ADARB2: variants seen among roughly 807,000 people sequenced by gnomAD.
ADARB2 encodes inactive double-stranded RNA-specific editase B2.
In ADARB2, 25 loss-of-function variants were observed where a neutral mutation model predicts 62.2. That is an observed-to-expected ratio of 0.40 (90% CI 0.29 to 0.56). The LOEUF (loss-of-function observed/expected upper bound fraction) is 0.56, where lower values mean the gene tolerates loss of function less well. Ranked by LOEUF, ADARB2 falls within the 20% of genes least tolerant of loss-of-function variation. The pLI is 0.43. For synonymous variants in ADARB2, 572 were observed against 500.8 expected (o/e 1.14, Z -1.90); for missense variants, 1,071 against 1,077.4 (o/e 0.99, Z 0.08).
At chr10:1,374,711 C>T (rs570654808) in intron 2 of ADARB2, among the ~76,000 whole-genome samples, 7 of 152,306 alleles carry the variant, frequency 4.6e-5, no homozygotes, top group South Asian at 2.1e-4. Flanking sequence ...TTTGCACGCC[C>T]GGCTTCCCCT....
intron 1 of ADARB2, among the ~76,000 whole-genome samples, chr10:1,424,510 G>A (rs562741632): frequency 3.2e-3 from 491 of 152,176 alleles, no homozygotes; most frequent in Middle Eastern, 0.01. Context: ...GTTTACCACC[G>A]GACAGTTCTA....
chr10:1,423,335 C>T (rs534103650), intron 1 of ADARB2, among the ~76,000 whole-genome samples: 99 of 152,364 alleles, frequency 6.5e-4, no homozygotes, highest in Non-Finnish European at 6.0e-4. Context: ...AGCTCAACTC[C>T]CCTGTTCTCA....
intron 1 of ADARB2, among the ~76,000 whole-genome samples, chr10:1,408,443 C>T (rs1832725840): frequency 6.6e-6 from 1 of 152,172 alleles, no homozygotes; most frequent in African/African-American, 2.4e-5. Flanking sequence ...CTATGATGAT[C>T]TTTCAGTTCA....
At chr10:1,736,945 A>C in intron 1 of ADARB2, 106 bp downstream of exon 1, 1 of 1,185,392 alleles carries the variant, frequency 8.4e-7, no homozygotes, top group Non-Finnish European at 1.2e-6. Flanking sequence ...CAGCACCCCA[A>C]AGTGAAGCTG....
At chr10:1,464,389 G>C (rs1006712233) in intron 1 of ADARB2, among the ~76,000 whole-genome samples, 22 of 124,362 alleles carry the variant, frequency 1.8e-4, no homozygotes, top group Admixed American at 3.2e-4. Flanking sequence ...CTGGAGAAGA[G>C]GGTGGACACA....
chr10:1,349,928 A>G (rs182241399), intron 3 of ADARB2, among the ~76,000 whole-genome samples: 1 of 152,032 alleles, frequency 6.6e-6, no homozygotes, highest in East Asian at 1.9e-4. Flanking sequence ...GCTCCCCACA[A>G]CCAATTCTCC....
At chr10:1,554,617 A>G (rs1832675090) in intron 1 of ADARB2, among the ~76,000 whole-genome samples, 1 of 152,078 alleles carries the variant, frequency 6.6e-6, no homozygotes, top group African/African-American at 2.4e-5. Flanking sequence ...CCCCAACGGT[A>G]CTTCAGTTAT....
rs927797239 is a variant in ADARB2 at position 1,253,741 on chromosome 10, G to C, written c.1193-11442C>G. ...CCATGGACATCAAAGCCAGTGTTAA[G>C]AGAGGGAGAAAGAAGAGACCTGTGT... On this transcript the variant is annotated intron_variant, in intron 4 of 9. Coordinates refer to ENST00000381312, the MANE Select transcript of ADARB2 (RefSeq NM_018702.4). 3.9e-5 allele frequency among the ~76,000 whole-genome samples: 6 copies of C among 152,324 alleles called. No homozygotes were observed. In the East Asian group the frequency reaches 9.6e-4, roughly 24 times the overall value.
intron 3 of ADARB2, among the ~76,000 whole-genome samples, chr10:1,341,817 G>A (rs889856659): frequency 1.3e-5 from 2 of 151,792 alleles, no homozygotes; most frequent in Non-Finnish European, 2.9e-5. Context: ...GTGCCCCAAA[G>A]CAGTGATAAC....
chr10:1,295,951 C>G (rs1033369755), intron 3 of ADARB2, among the ~76,000 whole-genome samples: 5 of 152,202 alleles, frequency 3.3e-5, no homozygotes, highest in Non-Finnish European at 7.3e-5. Flanking sequence ...GCATTTGCTC[C>G]TCACTCAGGA....
At chr10:1,252,431 C>T (rs1478942043) in intron 4 of ADARB2, among the ~76,000 whole-genome samples, 4 of 152,218 alleles carry the variant, frequency 2.6e-5, no homozygotes, top group African/African-American at 9.6e-5. Context: ...GACTCTTCCA[C>T]AGTTTATCAG....
intron 1 of ADARB2, among the ~76,000 whole-genome samples, chr10:1,736,641 TAGC>T (rs1170561054): frequency 6.6e-6 from 1 of 151,868 alleles, no homozygotes; most frequent in Non-Finnish European, 1.5e-5. Context: ...TGGATGGGAG[TAGC>T]TGGCGCGAGG....
chr10:1,618,511 AT>A (rs142731683), intron 1 of ADARB2, among the ~76,000 whole-genome samples: 26 of 151,526 alleles, frequency 1.7e-4, no homozygotes, highest in Non-Finnish European at 3.2e-4. Flanking sequence ...TCAACAAGTC[AT>A]TTTTTTTGTT....
chr10:1,316,795 T>C (rs1438401300), intron 3 of ADARB2, among the ~76,000 whole-genome samples: 1 of 152,206 alleles, frequency 6.6e-6, no homozygotes, highest in East Asian at 1.9e-4. Flanking sequence ...CTTAACTAGA[T>C]TTTCATTGAA....
rs182481082 is a variant in ADARB2 at position 1,275,113 on chromosome 10, C to T, written c.1078-4044G>A. On this transcript the variant is annotated intron_variant, in intron 3 of 9. Transcript: ENST00000381312. ...CTCCCTTGTGGGGTCATTTGAGGAA[C>T]AGCTGGGGTGGAATGAATCACATTT... Among the ~76,000 whole-genome samples, 19 of 152,352 alleles carry T rather than the reference C, an allele frequency of 1.2e-4. No individual in the cohort carries two copies. In the East Asian group the frequency reaches 3.1e-3, roughly 25 times the overall value.
At chr10:1,498,170 C>T (rs548139895) in intron 1 of ADARB2, among the ~76,000 whole-genome samples, 1 of 151,666 alleles carries the variant, frequency 6.6e-6, no homozygotes, top group African/African-American at 2.4e-5. Flanking sequence ...GTCAGGAGTT[C>T]GAAGACCAAC....
chr10:1,489,602 C>T (rs1218155080), intron 1 of ADARB2, among the ~76,000 whole-genome samples: 1 of 152,154 alleles, frequency 6.6e-6, no homozygotes, highest in Non-Finnish European at 1.5e-5. Context: ...TTTTAAACCA[C>T]TGGGAAAACT....
chr10:1,533,221 C>A (rs557707643), intron 1 of ADARB2, among the ~76,000 whole-genome samples: 1 of 151,300 alleles, frequency 6.6e-6, no homozygotes. Context: ...CTGGTTCGAG[C>A]GATTCTCCTG....
intron 8 of ADARB2, among the ~76,000 whole-genome samples, chr10:1,195,861 CT>C (rs1261868976): frequency 6.6e-6 from 1 of 152,158 alleles, no homozygotes; most frequent in East Asian, 1.9e-4. Flanking sequence ...CTAGTCTGTG[CT>C]TTTCCCGTTA....
Sources: allele counts gnomAD v4.1 joint callset (sites outside exome capture counted in the v4.1 genomes callset), GRCh38; gene constraint gnomAD v4.1.1; transcripts MANE v1.5; gene names NCBI Gene and HGNC (gene_info 2026-07-23, HGNC 2026-07-21).